Variants in NBEAL1 observed in about 807,000 individuals in gnomAD.
NBEAL1 encodes neurobeachin like 1.
In NBEAL1, 273 loss-of-function variants were observed where a neutral mutation model predicts 351.3. The observed-to-expected ratio is 0.78, with a 90% CI of 0.70 to 0.86. NBEAL1 has a LOEUF of 0.86. Ranked by LOEUF, NBEAL1 falls within the 40% of genes least tolerant of loss-of-function variation. The probability of loss-of-function intolerance (pLI) is 0.00; values close to 1 mark genes in which losing one functional copy is unlikely to be tolerated. For missense variants in NBEAL1, 2,961 were observed against 3,201.3 expected, an observed-to-expected ratio of 0.92 and a Z score of 1.81; for synonymous variants, 1,050 against 1,086.4, an observed-to-expected ratio of 0.97 and a Z score of 0.66.
At chr2:203,095,144 A>ACC (rs1302115323) in intron 10 of NBEAL1, among the ~76,000 whole-genome samples, 2 of 152,142 alleles carry the variant, frequency 1.3e-5, no homozygotes, top group Non-Finnish European at 2.9e-5. Context: ...AGAGAAAAGC[A>ACC]AAGAAGAAAA....
chr2:203,146,259 C>T (rs950036748), intron 33 of NBEAL1, among the ~76,000 whole-genome samples: 6 of 152,068 alleles, frequency 3.9e-5, no homozygotes, highest in Admixed American at 2.6e-4. Context: ...TAAAAACCTT[C>T]GTAAAGGGAA....
At chr2:203,172,167 A>G (rs2064340340) in intron 40 of NBEAL1, 144 bp downstream of exon 40, 1 of 431,420 alleles carries the variant, frequency 2.3e-6, no homozygotes. Context: ...GTTATTTTCA[A>G]AAAGTATATA....
chr2:203,068,501 G>A (rs1181663040), intron 7 of NBEAL1, 26 bp downstream of exon 7: 2 of 1,284,462 alleles, frequency 1.6e-6, no homozygotes, highest in East Asian at 5.1e-5. Context: ...AATTTCTCTT[G>A]CTATGATTAT....
chr2:203,202,311 A>G (rs1229073606), intron 50 of NBEAL1, among the ~76,000 whole-genome samples: 2 of 152,194 alleles, frequency 1.3e-5, no homozygotes, highest in Admixed American at 6.5e-5. Context: ...AAGGACATAT[A>G]TTCTATAGGA....
intron 8 of NBEAL1, among the ~76,000 whole-genome samples, chr2:203,081,013 A>G (rs1384617043): frequency 6.6e-6 from 1 of 152,142 alleles, no homozygotes; most frequent in Non-Finnish European, 1.5e-5. Flanking sequence ...ATGAAACCTA[A>G]CACTAAAATC....
At position 203,057,367 on chromosome 2, in the gene NBEAL1, A is replaced by G. The variant is rs777653035; in HGVS notation, c.429A>G (p.Thr143=). The G allele has an allele frequency of 6.4e-7, 1 of 1,551,820 alleles. No individual in the cohort carries two copies. The highest frequency in any genetic ancestry group is 2.0e-5 in the Admixed American group (1 of 51,002). Residue 143 remains threonine (T), a synonymous_variant, in exon 6 of 56, where the codon ACA becomes ACG. Coordinates refer to ENST00000683969, the MANE Select transcript of NBEAL1 (RefSeq NM_001378026.1). ...KKKEKEMADQ[T]CIEEFVIHAL... ...AAGAGAAGGAAATGGCAGATCAGACATGTATTGAAGAATTTGTGATCCACG... is the reference window on the plus strand; with the variant it reads ...AAGAGAAGGAAATGGCAGATCAGACGTGTATTGAAGAATTTGTGATCCACG...
intron 2 of NBEAL1, among the ~76,000 whole-genome samples, chr2:203,027,453 C>A (rs2106007389): frequency 6.6e-6 from 1 of 152,106 alleles, no homozygotes; most frequent in South Asian, 2.1e-4. Context: ...AAATGATATA[C>A]CCATTTCACA....
At chr2:203,139,498 A>G (rs1034075220) in intron 31 of NBEAL1, among the ~76,000 whole-genome samples, 1 of 148,002 alleles carries the variant, frequency 6.8e-6, no homozygotes, top group Non-Finnish European at 1.5e-5. Flanking sequence ...TAAACTAGAT[A>G]TAATATTAAT....
intron 29 of NBEAL1, 137 bp downstream of exon 29, chr2:203,136,911 T>G (rs902756204): frequency 1.1e-5 from 8 of 714,008 alleles, no homozygotes; most frequent in South Asian, 2.3e-5. Context: ...GCTCAGTTCC[T>G]TTTCCTATCT....
intron 35 of NBEAL1, among the ~76,000 whole-genome samples, chr2:203,153,124 T>C (rs1352004081): frequency 1.3e-5 from 2 of 152,026 alleles, no homozygotes; most frequent in Non-Finnish European, 2.9e-5. Flanking sequence ...CTTTTAGATG[T>C]TATTTTTAAA....
Position 203,110,369 on chromosome 2 carries a change from TTGC to T in NBEAL1, c.2082+89_2082+91del. 3 of 1,439,976 alleles carry T rather than the reference TTGC, an allele frequency of 2.1e-6. No individual in the cohort carries two copies. The South Asian group carries it at 4.2e-5, about 20-fold the overall frequency. 89.2% of individuals were successfully genotyped at this position (1,439,976 alleles called of 1,614,324 possible). ...CATAAATTCAACAGCAGTCATTTTT[TTGC>T]TAAAAAATTTAAATGAGGCTGGGCG... On this transcript the variant is annotated intron_variant, in intron 15 of 55. Transcript: ENST00000683969.
chr2:203,130,520 G>A (rs1178196792), intron 25 of NBEAL1, 44 bp downstream of exon 25: 9 of 1,303,372 alleles, frequency 6.9e-6, no homozygotes, highest in Non-Finnish European at 6.9e-6. Context: ...AGGCGTTTGT[G>A]GGTATATGAA....
rs1181894235 is a variant in NBEAL1, at chr2:203,122,292, T to G, written c.2631T>G (p.Asn877Lys). Residue 877 changes from asparagine (N) to lysine (K), a missense_variant, in exon 19 of 56, where the codon AAT (asparagine) becomes AAG (lysine). Physicochemically the swap from Asn to Lys is moderately conservative, Grantham distance 94. Coordinates refer to ENST00000683969, the MANE Select transcript of NBEAL1 (RefSeq NM_001378026.1). ...KNSICLDLST[N>K]CLHGRLTGNK... ...CAATCTGTCTTGATTTATCTACTAA[T>G]TGTTTGCATGGAAGATTAACAGGAA... 1 of 1,545,308 alleles carries G rather than the reference T, an allele frequency of 6.5e-7. No homozygotes were observed. The highest frequency in any genetic ancestry group is 1.2e-5 in the South Asian group (1 of 81,788).
intron 54 of NBEAL1, among the ~76,000 whole-genome samples, chr2:203,211,696 G>A (rs990929568): frequency 5.9e-5 from 9 of 152,256 alleles, no homozygotes; most frequent in African/African-American, 1.9e-4. Context: ...ATAGTACCAA[G>A]TCTGTATTAT....
chr2:203,156,241 T>C (rs140041167), intron 35 of NBEAL1, among the ~76,000 whole-genome samples: 77 of 152,320 alleles, frequency 5.1e-4, no homozygotes, highest in African/African-American at 1.8e-3. Flanking sequence ...GTCTGGTTGA[T>C]TCTATCTCTT....
intron 46 of NBEAL1, chr2:203,191,319 G>GAA (rs200659518): frequency 0.011 from 4,347 of 388,598 alleles, 3 homozygotes; most frequent in South Asian, 0.021. Flanking sequence ...TTTGACAACT[G>GAA]AAAAAAAAAA....
At chr2:203,098,230 C>A (rs569766078) in intron 11 of NBEAL1, among the ~76,000 whole-genome samples, 1 of 152,124 alleles carries the variant, frequency 6.6e-6, no homozygotes, top group Admixed American at 6.5e-5. Context: ...TGAAAAAAAA[C>A]TACCTTTAAA....
chr2:203,136,522 A>G (rs2063212688), intron 28 of NBEAL1, 77 bp from the exon 29 acceptor site: 4 of 1,028,998 alleles, frequency 3.9e-6, no homozygotes, highest in Admixed American at 2.4e-5. Context: ...TACAATGAGT[A>G]TATGTAATGG....
At chr2:203,126,999 G>C in intron 23 of NBEAL1, 73 bp downstream of exon 23, 1 of 1,035,318 alleles carries the variant, frequency 9.7e-7, no homozygotes, top group Non-Finnish European at 1.4e-6. Flanking sequence ...TGTGTAGACT[G>C]TAGACTTTCT....
Sources: allele counts gnomAD v4.1 joint callset (sites outside exome capture counted in the v4.1 genomes callset), GRCh38; gene constraint gnomAD v4.1.1; transcripts MANE v1.5; gene names NCBI Gene and HGNC (gene_info 2026-07-23, HGNC 2026-07-21).